Variants in PGM3 observed in about 807,000 individuals in gnomAD.
The protein encoded by PGM3 is phosphoglucomutase 3, also known as phosphoacetylglucosamine mutase.
A neutral mutation model predicts 66.2 loss-of-function variants in PGM3; 40 were observed. That is an observed-to-expected ratio of 0.60 (90% confidence interval 0.47 to 0.79). PGM3 has a LOEUF of 0.79. Among genes scored for constraint, PGM3 ranks in the 30% least tolerant of loss-of-function variants. The pLI is 0.00. For missense variants in PGM3, 537 were observed against 643.4 expected, an observed-to-expected ratio of 0.83 and a Z score of 1.79; for synonymous variants, 191 against 224.2, an observed-to-expected ratio of 0.85 and a Z score of 1.32.
chr6:83,166,338 ACTC>A lies in PGM3; in HGVS notation c.*2893_*2895del, dbSNP rs1237060344. Reference sequence around the variant, plus strand: ...TCAATTTCCGATGACTGGCCACTGCACTCCTCATCTTCAAGGCTCTAGTCTCCT... The same window carrying A: ...TCAATTTCCGATGACTGGCCACTGCACTCATCTTCAAGGCTCTAGTCTCCT... On this transcript the variant is annotated 3_prime_UTR_variant, in exon 13 of 13. Coordinates refer to ENST00000513973, the MANE Select transcript of PGM3 (RefSeq NM_015599.3). The A allele has an allele frequency of 2.9e-6, 2 of 687,164 alleles. No individual in the cohort carries two copies. Among genetic ancestry groups the A allele is most frequent in the Non-Finnish European group, 5.3e-6 (2 of 378,304 alleles). The allele number at this position is 687,164 out of a possible 1,614,324, so 42.6% of individuals were successfully genotyped here. A position where few individuals can be genotyped will look rare whatever the true frequency, so the allele number is the denominator to read the frequency against.
chr6:83,155,927 A>C, the PGM3 span: 1 of 1,600,662 alleles, frequency 6.2e-7, no homozygotes, highest in Non-Finnish European at 8.5e-7. Flanking sequence ...ACAGTGTCAC[A>C]GTCTCTTTCA....
At chr6:83,171,911 A>AAGTT in intron 11 of PGM3, 26 bp downstream of exon 11, 1 of 1,585,402 alleles carries the variant, frequency 6.3e-7, no homozygotes, top group Non-Finnish European at 8.6e-7. Context: ...ATATTCAAAA[A>AAGTT]AGTTACTTTA....
At position 83,165,008 on chromosome 6, in the gene PGM3, C is replaced by T. The variant is rs1293637747; in HGVS notation, c.*4226G>A. On this transcript the variant is annotated 3_prime_UTR_variant, in exon 13 of 13. Transcript: ENST00000513973. The stretch of plus-strand genomic sequence containing the variant: ...AAAAGTCCCTCTCTTAAAGGCTCAT[C>T]TTGATAGGAATAGAAACAAAAGGTT... 3 of 306,930 alleles carry T rather than the reference C, an allele frequency of 9.8e-6. No individual in the cohort carries two copies. The highest frequency in any genetic ancestry group is 1.8e-5 in the Non-Finnish European group (3 of 167,616). The allele number at this position is 306,930 out of a possible 1,614,324, so 19.0% of individuals were successfully genotyped here.
chr6:83,159,933 C>A, downstream of PGM3: 1 of 1,613,996 alleles, frequency 6.2e-7, no homozygotes, highest in Non-Finnish European at 8.5e-7. Flanking sequence ...CTCGCATTGC[C>A]CTCTGAAAAC....
At chr6:83,186,508 C>A (rs962696943) in intron 4 of PGM3, among the ~76,000 whole-genome samples, 4 of 152,182 alleles carry the variant, frequency 2.6e-5, no homozygotes, top group South Asian at 2.1e-4. Context: ...AGTGCCTTCA[C>A]AACAGACACA....
the PGM3 span, chr6:83,156,086 A>C: frequency 6.2e-7 from 1 of 1,611,486 alleles, no homozygotes; most frequent in South Asian, 1.1e-5. Context: ...TACCAGAAAT[A>C]TCTTCCAGAT....
chr6:83,178,595 T>C (rs953486997), intron 8 of PGM3, 78 bp downstream of exon 8: 12 of 826,886 alleles, frequency 1.5e-5, no homozygotes, highest in African/African-American at 1.3e-4. Flanking sequence ...ACATAATCAC[T>C]TTTATGAGGG....
intron 4 of PGM3, among the ~76,000 whole-genome samples, chr6:83,184,121 C>T (rs902855098): frequency 2.0e-5 from 3 of 152,176 alleles, no homozygotes; most frequent in Non-Finnish European, 2.9e-5. Flanking sequence ...ACCTCAAAAA[C>T]GTCCCATAAT....
In PGM3 at chr6:83,170,375, A is replaced by G; in HGVS notation, c.1469T>C (p.Leu490Pro). ...AGAGGGCCGGACAAAAGCTCGAGAA[A>G]GCTTGTACTTCTTCACCAGGTCATT... ...AINDLVKKYK[L>P]SRAFVRPSGT... is the part of the protein sequence containing the mutation. The change falls in exon 12 of 13, where the codon CTT becomes CCT. Residue 490 changes from leucine to proline, a missense_variant. By Grantham distance (98) the Leu-to-Pro change is moderately conservative (BLOSUM62 -3). Coordinates refer to ENST00000513973, the MANE Select transcript of PGM3 (RefSeq NM_015599.3). The G allele has an allele frequency of 6.2e-7, 1 of 1,614,164 alleles. No individual in the cohort carries two copies. Among genetic ancestry groups the G allele is most frequent in the Non-Finnish European group, 8.5e-7 (1 of 1,180,002 alleles).
downstream of PGM3, chr6:83,157,127 AG>A: frequency 6.4e-7 from 1 of 1,566,054 alleles, no homozygotes; most frequent in Non-Finnish European, 8.7e-7. Context: ...CAATATAGAA[AG>A]TTTTATGTGA....
At chr6:83,148,744 T>C in the PGM3 span, 1 of 1,506,798 alleles carries the variant, frequency 6.6e-7, no homozygotes, top group Non-Finnish European at 8.9e-7. Context: ...TTGTATAAAC[T>C]ATATTATCTT....
At chr6:83,162,817 C>T (rs1453914223), downstream of PGM3, 4 of 1,612,938 alleles carry the variant, frequency 2.5e-6, no homozygotes, top group Non-Finnish European at 3.4e-6. Context: ...TTCCAGAAGC[C>T]TCAGATGATT....
At chr6:83,151,913 G>A in the PGM3 span, 1 of 1,613,664 alleles carries the variant, frequency 6.2e-7, no homozygotes, top group Non-Finnish European at 8.5e-7. Flanking sequence ...GGATGCAATT[G>A]GTGCAATTGC....
chr6:83,156,166 C>T (rs538999267), downstream of PGM3: 13 of 1,367,312 alleles, frequency 9.5e-6, no homozygotes, highest in South Asian at 1.4e-5. Flanking sequence ...TTAGAAAATA[C>T]TTCTCTAAAT....
downstream of PGM3, chr6:83,157,110 G>A: frequency 6.7e-7 from 1 of 1,482,400 alleles, no homozygotes; most frequent in Non-Finnish European, 9.2e-7. Flanking sequence ...TGAGAGTACT[G>A]GACCGACAAT....
At chr6:83,170,506 C>T (rs752240625) in intron 11 of PGM3, 28 bp from the exon 12 acceptor site, 8 of 1,569,012 alleles carry the variant, frequency 5.1e-6, no homozygotes, top group South Asian at 3.3e-5. Context: ...ATATTTGTTA[C>T]TCTATTACAC....
intron 10 of PGM3, among the ~76,000 whole-genome samples, chr6:83,173,070 C>T (rs956638545): frequency 2.0e-5 from 3 of 152,146 alleles, no homozygotes; most frequent in Non-Finnish European, 2.9e-5. Context: ...GTGTTTCCGA[C>T]TTGAGTGCCA....
intron 1 of PGM3, among the ~76,000 whole-genome samples, chr6:83,192,137 G>A (rs1480802860): frequency 5.3e-5 from 8 of 151,530 alleles, no homozygotes; most frequent in Non-Finnish European, 1.0e-4. Context: ...GTGGTGGTGC[G>A]CGCCTGTAGT....
chr6:83,171,828 T>C, intron 11 of PGM3, 109 bp downstream of exon 11: 1 of 873,272 alleles, frequency 1.1e-6, no homozygotes, highest in Non-Finnish European at 1.8e-6. Context: ...CATATGTGTA[T>C]GTACAGAATG....
Sources: gnomAD v4.1 joint callset for allele counts (sites outside exome capture counted in the v4.1 genomes callset) on GRCh38, gnomAD v4.1.1 for gene constraint, MANE v1.5 for transcripts, NCBI Gene and HGNC (gene_info 2026-07-23, HGNC 2026-07-21) for gene names.